PEBP4: variants seen among roughly 807,000 people sequenced by gnomAD.
PEBP4 encodes phosphatidylethanolamine-binding protein 4.
In PEBP4, 22 loss-of-function variants were observed where a neutral mutation model predicts 23.9. The observed-to-expected ratio is 0.92, with a 90% CI of 0.66 to 1.31. PEBP4 has a LOEUF of 1.31. Ranked by LOEUF, PEBP4 falls within the 40% of genes most tolerant of loss-of-function variation. PEBP4 has a pLI of 0.00. For missense variants in PEBP4, 324 were observed against 281.7 expected (o/e 1.15, Z -1.07); for synonymous variants, 112 against 99.3 (o/e 1.13, Z -0.76).
At chr8:22,934,821 T>C (rs1809512669) in intron 1 of PEBP4, among the ~76,000 whole-genome samples, 1 of 152,258 alleles carries the variant, frequency 6.6e-6, no homozygotes, top group Non-Finnish European at 1.5e-5. Flanking sequence ...TCAAAAGTTA[T>C]AAACTGGCAG....
intron 3 of PEBP4, among the ~76,000 whole-genome samples, chr8:22,830,146 T>TGTGTGTGTGTGTGTGTGTG (rs56204367): frequency 6.6e-6 from 1 of 150,732 alleles, no homozygotes; most frequent in African/African-American, 2.5e-5. Context: ...TGTGTGTGTG[T>TGTGTGTGTGTGTGTGTGTG]TTTTACGGAG....
chr8:22,833,096 G>T (rs948889327), intron 3 of PEBP4, among the ~76,000 whole-genome samples: 1 of 152,146 alleles, frequency 6.6e-6, no homozygotes, highest in East Asian at 1.9e-4. Context: ...TGCTTCCCCC[G>T]TATTCCCTCT....
At position 22,725,820 on chromosome 8, in the gene PEBP4, T is replaced by C. The variant is rs188480334; in HGVS notation, c.404-864A>G. Reference sequence around the variant, plus strand: ...GGTGGGAGGGAGTATTGGTCCTTTATGGCCATCTCCCCTTCTTTCCTCTCC... The same window carrying C: ...GGTGGGAGGGAGTATTGGTCCTTTACGGCCATCTCCCCTTCTTTCCTCTCC... On this transcript the variant is annotated intron_variant, in intron 5 of 6. Coordinates refer to ENST00000256404, the MANE Select transcript of PEBP4 (RefSeq NM_144962.3). Among the ~76,000 whole-genome samples the C allele has an allele frequency of 3.3e-5, 5 of 152,262 alleles. No individual in the cohort carries two copies. In the East Asian group the frequency reaches 9.6e-4, roughly 29 times the overall value.
At chr8:22,779,960 T>G (rs1805883915) in intron 4 of PEBP4, among the ~76,000 whole-genome samples, 1 of 151,624 alleles carries the variant, frequency 6.6e-6, no homozygotes, top group Non-Finnish European at 1.5e-5. Context: ...AAATCTTTTT[T>G]TTTTTTTTGA....
chr8:22,876,662 C>T lies in PEBP4; in HGVS notation c.258+43522G>A, dbSNP rs182291161. ...CATCGATGACAGTGTATGTTTATAG[C>T]GCTTGTGTTGTTGTGAAAATAAACA... On this transcript the variant is annotated intron_variant, in intron 3 of 6. Coordinates refer to ENST00000256404, the MANE Select transcript of PEBP4 (RefSeq NM_144962.3). Among the ~76,000 whole-genome samples the T allele has an allele frequency of 5.3e-5, 8 of 152,260 alleles. No individual in the cohort carries two copies. The East Asian group carries it at 1.3e-3, about 26-fold the overall frequency.
At chr8:22,907,773 T>C (rs892752144) in intron 3 of PEBP4, among the ~76,000 whole-genome samples, 2 of 152,110 alleles carry the variant, frequency 1.3e-5, no homozygotes, top group African/African-American at 4.8e-5. Flanking sequence ...GCTGAGAGTA[T>C]GCTGGGCGTT....
At chr8:22,803,163 C>T (rs556065184) in intron 4 of PEBP4, among the ~76,000 whole-genome samples, 22 of 152,266 alleles carry the variant, frequency 1.4e-4, no homozygotes, top group African/African-American at 5.3e-4. Flanking sequence ...TTTATAAAGT[C>T]GCAGCACCTG....
At chr8:22,745,409 G>A (rs574417755) in intron 4 of PEBP4, among the ~76,000 whole-genome samples, 1 of 152,316 alleles carries the variant, frequency 6.6e-6, no homozygotes, top group African/African-American at 2.4e-5. Context: ...GGCAGAGGCT[G>A]GGGCCCCATG....
Position 22,775,487 on chromosome 8 carries a change from G to A in PEBP4, c.357+42150C>T, listed in dbSNP as rs1805797472. Among the ~76,000 whole-genome samples the A allele has an allele frequency of 6.6e-6, 1 of 152,136 alleles. No homozygotes were observed. Among genetic ancestry groups the A allele is most frequent in the Non-Finnish European group, 1.5e-5 (1 of 68,026 alleles). ...GTGGTGTTCACGTATGGAGGGGGGGGATTTCTTTTTAAGAGACAAGGTGGG... is the reference window on the plus strand; with the variant it reads ...GTGGTGTTCACGTATGGAGGGGGGGAATTTCTTTTTAAGAGACAAGGTGGG... On this transcript the variant is annotated intron_variant, in intron 4 of 6. Transcript: ENST00000256404. This position sits in a 1 kb window ranked among gnomAD's most constrained non-coding sequence, Gnocchi z 4.8.
intron 2 of PEBP4, among the ~76,000 whole-genome samples, chr8:22,927,003 A>C (rs552726983): frequency 6.6e-6 from 1 of 152,212 alleles, no homozygotes; most frequent in African/African-American, 2.4e-5. Flanking sequence ...GTGAGGAGAG[A>C]GCCGAACGCC....
chr8:22,784,114 T>C (rs11986963), intron 4 of PEBP4, among the ~76,000 whole-genome samples: 14,241 of 152,178 alleles, frequency 0.094, 792 homozygotes, highest in African/African-American at 0.14. Flanking sequence ...TGCAGGCTGT[T>C]GTGGGGATTA....
intron 4 of PEBP4, among the ~76,000 whole-genome samples, chr8:22,789,188 A>G (rs1249000385): frequency 2.6e-5 from 4 of 152,230 alleles, no homozygotes; most frequent in African/African-American, 9.6e-5. Flanking sequence ...TGAAACAGAA[A>G]GACAGTTATA....
At chr8:22,839,550 A>G (rs1398879508) in intron 3 of PEBP4, among the ~76,000 whole-genome samples, 1 of 152,194 alleles carries the variant, frequency 6.6e-6, no homozygotes, top group African/African-American at 2.4e-5. Context: ...ATGGGTTACT[A>G]CAACATAGTG....
At chr8:22,916,645 G>GTCATTCATTCATTCATTCAT (rs57062493) in intron 3 of PEBP4, among the ~76,000 whole-genome samples, 3 of 151,720 alleles carry the variant, frequency 2.0e-5, no homozygotes, top group African/African-American at 7.3e-5. Flanking sequence ...TCTCCCACAT[G>GTCATTCATTCATTCATTCAT]TCATTCATTC....
At chr8:22,720,119 G>A (rs576358695) in intron 6 of PEBP4, among the ~76,000 whole-genome samples, 6 of 152,312 alleles carry the variant, frequency 3.9e-5, no homozygotes, top group East Asian at 1.9e-4. Context: ...AGAGGTGAGC[G>A]CTTCTCTCAA....
In PEBP4 at chr8:22,920,280, C is replaced by T. The variant is rs1410350200; in HGVS notation, c.162G>A (p.Gly54=). ...QGLEVFYPEL[G]NIGCKVVPDC... is the part of the protein sequence containing the mutation. ...CAGGAACAACCTTGCAGCCAATGTT[C>T]CCCAACTCTGGGTAGAAAACTTCAA... Residue 54 remains glycine, a synonymous_variant, in exon 3 of 7, where the codon GGG becomes GGA. Transcript: ENST00000256404. 1.2e-6 allele frequency: 2 copies of T among 1,613,428 alleles called. No individual in the cohort carries two copies. Among genetic ancestry groups the T allele is most frequent in the East Asian group, 2.2e-5 (1 of 44,872 alleles).
intron 3 of PEBP4, among the ~76,000 whole-genome samples, chr8:22,841,637 G>A (rs532543166): frequency 7.1e-4 from 108 of 152,378 alleles, no homozygotes; most frequent in African/African-American, 2.5e-3. Flanking sequence ...GCCACCTGGT[G>A]CAGATAAATC....
chr8:22,801,909 C>T (rs1806391075), intron 4 of PEBP4, among the ~76,000 whole-genome samples: 1 of 152,140 alleles, frequency 6.6e-6, no homozygotes, highest in African/African-American at 2.4e-5. Flanking sequence ...TATGGTGACT[C>T]CTGCCACCCA....
chr8:22,751,618 G>A (rs907045285), intron 4 of PEBP4, among the ~76,000 whole-genome samples: 2 of 98,788 alleles, frequency 2.0e-5, no homozygotes, highest in Non-Finnish European at 4.2e-5. Flanking sequence ...GTCTGTGTGT[G>A]TGTGTGTGTC....
Sources: gnomAD v4.1 joint callset for allele counts (sites outside exome capture counted in the v4.1 genomes callset) on GRCh38, gnomAD v4.1.1 for gene constraint, Gnocchi (gnomAD v3.1) non-coding constraint, MANE v1.5 for transcripts, NCBI Gene and HGNC (gene_info 2026-07-23, HGNC 2026-07-21) for gene names.